Variants in CNTN4 observed in about 807,000 individuals in gnomAD.
The protein encoded by CNTN4 is contactin-4.
In CNTN4, 77 loss-of-function variants were observed where a neutral mutation model predicts 122.5. That is an observed-to-expected ratio of 0.63 (90% confidence interval 0.52 to 0.76). The LOEUF (loss-of-function observed/expected upper bound fraction) is 0.76, where lower values mean the gene tolerates loss of function less well. Among genes scored for constraint, CNTN4 ranks in the 30% least tolerant of loss-of-function variants. CNTN4 has a pLI of 0.00. For synonymous variants in CNTN4, 512 were observed against 447.0 expected (o/e 1.15, Z -1.83); for missense variants, 1,256 against 1,259.1 (o/e 1.00, Z 0.04).
intron 13 of CNTN4, among the ~76,000 whole-genome samples, chr3:2,976,613 T>C (rs1237249924): frequency 6.6e-6 from 1 of 152,202 alleles, no homozygotes; most frequent in Non-Finnish European, 1.5e-5. Context: ...TTATCCAAAA[T>C]ACCTTTTTTT....
intron 5 of CNTN4, among the ~76,000 whole-genome samples, chr3:2,744,712 T>C (rs1205296059): frequency 6.6e-6 from 1 of 152,192 alleles, no homozygotes; most frequent in Non-Finnish European, 1.5e-5. Context: ...TGGAATGGTA[T>C]TGGTTGTAAA....
At chr3:2,453,305 C>T (rs566484151) in intron 3 of CNTN4, among the ~76,000 whole-genome samples, 15 of 152,024 alleles carry the variant, frequency 9.9e-5, no homozygotes, top group Admixed American at 8.5e-4. Flanking sequence ...ATGTGAATGC[C>T]AAAACATAAA....
At chr3:2,939,995 G>C (rs1416528077) in intron 13 of CNTN4, among the ~76,000 whole-genome samples, 1 of 152,194 alleles carries the variant, frequency 6.6e-6, no homozygotes, top group African/African-American at 2.4e-5. Flanking sequence ...GGTAAACATT[G>C]ACAGCACACC....
In CNTN4 at chr3:3,037,172, C is replaced by G. The variant is rs775119854; in HGVS notation, c.1943-7C>G. The stretch of plus-strand genomic sequence containing the variant: ...TGAAACAGCCCCCACCTTTTGTTGT[C>G]TTTCAGTCCCAGAACTCATTGATGG... On this transcript the variant is annotated splice_polypyrimidine_tract_variant and splice_region_variant and intron_variant, in intron 17 of 24. Coordinates refer to ENST00000418658, the MANE Select transcript of CNTN4 (RefSeq NM_175607.3). The G allele has an allele frequency of 1.2e-6, 2 of 1,614,152 alleles. No homozygotes were observed. The highest frequency in any genetic ancestry group is 1.7e-6 in the Non-Finnish European group (2 of 1,179,994).
At chr3:2,352,469 C>T (rs562733576) in intron 3 of CNTN4, among the ~76,000 whole-genome samples, 8 of 152,194 alleles carry the variant, frequency 5.3e-5, no homozygotes, top group East Asian at 1.9e-4. Flanking sequence ...GCAGGCTCCA[C>T]GGGCCCCACA....
intron 6 of CNTN4, among the ~76,000 whole-genome samples, chr3:2,772,498 A>G (rs1299720120): frequency 6.6e-6 from 1 of 152,062 alleles, no homozygotes; most frequent in African/African-American, 2.4e-5. Flanking sequence ...TCATTGACTA[A>G]CTTTGGAATC....
chr3:2,267,270 G>A (rs1357051668), intron 2 of CNTN4, among the ~76,000 whole-genome samples: 1 of 152,068 alleles, frequency 6.6e-6, no homozygotes, highest in Non-Finnish European at 1.5e-5. Flanking sequence ...ACCTGTGTGT[G>A]TTTGGAAAAC....
intron 2 of CNTN4, among the ~76,000 whole-genome samples, chr3:2,197,396 C>T (rs751002908): frequency 6.6e-5 from 10 of 152,154 alleles, no homozygotes; most frequent in Non-Finnish European, 7.3e-5. Context: ...GGAAAGAATC[C>T]GTATGAATTA....
chr3:2,189,381 T>A (rs2037420619), intron 2 of CNTN4, among the ~76,000 whole-genome samples: 1 of 152,126 alleles, frequency 6.6e-6, no homozygotes, highest in South Asian at 2.1e-4. Flanking sequence ...CAGAAGAGGC[T>A]AACCAGCTGA....
chr3:2,155,133 C>T (rs2035662335), intron 2 of CNTN4, among the ~76,000 whole-genome samples: 1 of 152,236 alleles, frequency 6.6e-6, no homozygotes, highest in Admixed American at 6.5e-5. Context: ...GATCATAATA[C>T]AGTAAACCTT....
At chr3:2,136,962 C>G (rs1204306483) in intron 2 of CNTN4, among the ~76,000 whole-genome samples, 2 of 152,132 alleles carry the variant, frequency 1.3e-5, no homozygotes, top group African/African-American at 4.8e-5. Flanking sequence ...CAAACAACCC[C>G]TCCCCCCGAA....
rs535055472 is a variant in CNTN4 at position 2,387,310 on chromosome 3, T to C, written c.-89+48077T>C. ...TGTGAAGCAGTTGGCAAATCACTTA[T>C]TAAATATTTAACCTGATGAGTTAGT... is the stretch of plus-strand genomic sequence containing the variant. On this transcript the variant is annotated intron_variant, in intron 3 of 24. Transcript: ENST00000418658. Among the ~76,000 whole-genome samples the C allele has an allele frequency of 1.4e-4, 22 of 152,292 alleles. No individual in the cohort carries two copies. In the East Asian group the frequency reaches 3.5e-3, roughly 24 times the overall value.
chr3:2,264,408 T>C (rs936622061), intron 2 of CNTN4, among the ~76,000 whole-genome samples: 1 of 152,262 alleles, frequency 6.6e-6, no homozygotes, highest in African/African-American at 2.4e-5. Flanking sequence ...TGGCCATTTG[T>C]TTGTCTTCTT....
Position 3,056,396 on chromosome 3 carries a change from C to T in CNTN4, c.*176C>T. ...CAGTACTTCCTCAAAGCAAATCTAGCTTTGTCTGAAGTTTCTTTGGAAACT... is the reference window on the plus strand; with the variant it reads ...CAGTACTTCCTCAAAGCAAATCTAGTTTTGTCTGAAGTTTCTTTGGAAACT... On this transcript the variant is annotated 3_prime_UTR_variant, in exon 25 of 25. Transcript: ENST00000418658. 1 of 588,992 alleles carries T rather than the reference C, an allele frequency of 1.7e-6. No individual in the cohort carries two copies. Among genetic ancestry groups the T allele is most frequent in the Non-Finnish European group, 3.0e-6 (1 of 328,778 alleles). 36.5% of individuals were successfully genotyped at this position (588,992 alleles called of 1,614,324 possible).
intron 14 of CNTN4, among the ~76,000 whole-genome samples, chr3:2,996,833 A>G (rs959878021): frequency 1.4e-4 from 22 of 152,210 alleles, no homozygotes; most frequent in Non-Finnish European, 4.4e-5. Flanking sequence ...ATGCGATAAA[A>G]TTCTTACTCC....
intron 4 of CNTN4, among the ~76,000 whole-genome samples, chr3:2,591,795 T>G (rs1461436713): frequency 6.6e-6 from 1 of 152,106 alleles, no homozygotes; most frequent in Non-Finnish European, 1.5e-5. Context: ...TAAAGAAAAG[T>G]AAGTGTTGAA....
chr3:2,285,899 C>A (rs1012929981), intron 2 of CNTN4, among the ~76,000 whole-genome samples: 2 of 152,016 alleles, frequency 1.3e-5, no homozygotes, highest in Admixed American at 6.6e-5. Flanking sequence ...AAATATTATT[C>A]CATTTGTAGA....
chr3:2,856,949 C>T (rs186628061), intron 7 of CNTN4, among the ~76,000 whole-genome samples: 21 of 152,242 alleles, frequency 1.4e-4, no homozygotes, highest in Admixed American at 1.3e-3. Flanking sequence ...AATCTGACAG[C>T]GTTGTATGGG....
chr3:2,622,185 G>A (rs2082015642), intron 4 of CNTN4, among the ~76,000 whole-genome samples: 1 of 152,096 alleles, frequency 6.6e-6, no homozygotes, highest in South Asian at 2.1e-4. Flanking sequence ...TACTCACTAT[G>A]GCAGTAGGAG....
Sources: gnomAD v4.1 joint callset for allele counts (sites outside exome capture counted in the v4.1 genomes callset) on GRCh38, gnomAD v4.1.1 for gene constraint, MANE v1.5 for transcripts, NCBI Gene and HGNC (gene_info 2026-07-23, HGNC 2026-07-21) for gene names.